The following STK36 variants were observed in gnomAD, a reference collection of about 807,000 sequenced individuals.
The protein encoded by STK36 is serine/threonine kinase 36.
A neutral mutation model predicts 142.2 loss-of-function variants in STK36; 116 were observed. That is an observed-to-expected ratio of 0.82 (90% CI 0.70 to 0.95). The LOEUF (loss-of-function observed/expected upper bound fraction) is 0.95. Ranked by LOEUF, STK36 falls within the 40% of genes least tolerant of loss-of-function variation. The probability of loss-of-function intolerance (pLI) is 0.00; values close to 1 mark genes in which losing one functional copy is unlikely to be tolerated. For synonymous variants in STK36, 619 were observed against 641.7 expected (o/e 0.96, Z 0.53); for missense variants, 1,422 against 1,617.2 (o/e 0.88, Z 2.07).
chr2:218,696,412 C>T (rs1009341490), intron 21 of STK36, 115 bp from the exon 22 acceptor site: 2 of 864,254 alleles, frequency 2.3e-6, no homozygotes, highest in Non-Finnish European at 3.9e-6. Context: ...TATATTCTAC[C>T]TTCCGGTTGA....
intron 9 of STK36, among the ~76,000 whole-genome samples, chr2:218,680,364 A>G (rs1216947670): frequency 2.6e-5 from 4 of 152,240 alleles, no homozygotes; most frequent in African/African-American, 4.8e-5. Context: ...GTTGAAAGCC[A>G]TAGGTGAAAA....
Position 218,676,226 on chromosome 2 carries a change from T to C in STK36, c.632T>C (p.Leu211Pro). Residue 211 changes from leucine (L) to proline (P), a missense_variant, in exon 6 of 27, where the codon CTC (leucine) becomes CCC (proline). Transcript: ENST00000295709. ...YATSIFQLVSLILKDPVRWPS... is the reference protein window; with the variant it reads ...YATSIFQLVSPILKDPVRWPS... ...ACAAGCATCTTTCAGCTGGTCAGCC[T>C]CATTCTCAAGGACCCTGTGCGCTGG... The C allele has an allele frequency of 6.2e-7, 1 of 1,614,228 alleles. No individual in the cohort carries two copies. Among genetic ancestry groups the C allele is most frequent in the Non-Finnish European group, 8.5e-7 (1 of 1,180,044 alleles).
At chr2:218,698,454 C>T in intron 25 of STK36, 148 bp from the exon 26 acceptor site, 2 of 943,410 alleles carry the variant, frequency 2.1e-6, no homozygotes, top group Non-Finnish European at 3.2e-6. Flanking sequence ...CACGTTGTGT[C>T]TCATGTGGAG....
intron 26 of STK36, among the ~76,000 whole-genome samples, chr2:218,700,228 T>C (rs1383329473): frequency 1.3e-5 from 2 of 151,356 alleles, no homozygotes; most frequent in Non-Finnish European, 3.0e-5. Context: ...TTTTTGAGAC[T>C]GAATATCACT....
At chr2:218,697,811 T>C in intron 24 of STK36, 43 bp from the exon 25 acceptor site, 1 of 1,613,564 alleles carries the variant, frequency 6.2e-7, no homozygotes. Context: ...ATGATAAAGG[T>C]TAAGTGAACA....
chr2:218,700,783 G>A (rs1278536598), intron 26 of STK36, among the ~76,000 whole-genome samples: 1 of 151,568 alleles, frequency 6.6e-6, no homozygotes, highest in Non-Finnish European at 1.5e-5. Flanking sequence ...AGACTGAGGT[G>A]GGCGGATCAC....
rs138174145 is a variant in STK36 at position 218,679,704 on chromosome 2, G to A, written c.923G>A (p.Arg308His). The change falls in exon 8 of 27, where the codon CGC becomes CAC. Residue 308 changes from arginine (R) to histidine (H), a missense_variant. By Grantham distance (29) the Arg-to-His change is conservative (BLOSUM62 0). Coordinates refer to ENST00000295709, the MANE Select transcript of STK36 (RefSeq NM_015690.5). ...CGCATCTTGACTCAGGCCTATAAAC[G>A]CATGGCTGAGGAGGCCATGCAGAAG... ...QSRILTQAYK[R>H]MAEEAMQKKH... The A allele has an allele frequency of 3.2e-5, 52 of 1,614,180 alleles. No homozygotes were observed. The East Asian group carries it at 6.2e-4, about 19-fold the overall frequency.
At position 218,701,998 on chromosome 2, in the gene STK36, C is replaced by T. The variant is rs2106370269; in HGVS notation, c.3937C>T (p.His1313Tyr). 4 of 1,613,896 alleles carry T rather than the reference C, an allele frequency of 2.5e-6. No homozygotes were observed. Among genetic ancestry groups the T allele is most frequent in the South Asian group, 1.1e-5 (1 of 91,040 alleles). The change falls in exon 27 of 27, where the codon CAT (histidine) becomes TAT (tyrosine). Residue 1313 changes from histidine to tyrosine, a missense_variant. His to Tyr is a moderately conservative substitution (Grantham distance 83). Coordinates refer to ENST00000295709, the MANE Select transcript of STK36 (RefSeq NM_015690.5). Reference protein sequence around the residue: ...RKLIHLLRPAHSM With the variant: ...RKLIHLLRPAYSM ...ACTCATTCACCTCCTGAGGCCAGCC[C>T]ATAGCATGTGATTCCAGATTCCTGC... is the stretch of plus-strand genomic sequence containing the variant.
intron 6 of STK36, among the ~76,000 whole-genome samples, chr2:218,677,564 C>T (rs373058313): frequency 4.6e-4 from 70 of 152,282 alleles, no homozygotes; most frequent in African/African-American, 1.5e-3. Context: ...TACTAGAGAT[C>T]GATACTGGTC....
At position 218,672,214 on chromosome 2, in the gene STK36, T is replaced by G; in HGVS notation, c.-91T>G. On this transcript the variant is annotated splice_region_variant and 5_prime_UTR_variant, in exon 1 of 27. Coordinates refer to ENST00000295709, the MANE Select transcript of STK36 (RefSeq NM_015690.5). ...TTCTCACCAGTTCTAGCGAGTAAAA[T>G]TGTAAGAAAGGGAGCCGAAAGAGAC... 1.8e-6 allele frequency: 1 copy of G among 554,372 alleles called. No individual in the cohort carries two copies. The highest frequency in any genetic ancestry group is 3.2e-6 in the Non-Finnish European group (1 of 311,172). The allele number at this position is 554,372 out of a possible 1,614,324, so 34.3% of individuals were successfully genotyped here. A position where few individuals can be genotyped will look rare whatever the true frequency, so the allele number is the denominator to read the frequency against.
intron 13 of STK36, 40 bp downstream of exon 13, chr2:218,689,996 C>A: frequency 6.5e-7 from 1 of 1,533,134 alleles, no homozygotes; most frequent in Non-Finnish European, 8.9e-7. Flanking sequence ...GCAAGTTTGG[C>A]TTCTGTTTCT....
At position 218,685,138 on chromosome 2, in the gene STK36, G is replaced by C; in HGVS notation, c.1290G>C (p.Val430=). The C allele has an allele frequency of 6.2e-7, 1 of 1,614,134 alleles. No individual in the cohort carries two copies. The highest frequency in any genetic ancestry group is 8.5e-7 in the Non-Finnish European group (1 of 1,180,038). Residue 430 remains valine (V), a synonymous_variant, in exon 11 of 27, where the codon GTG becomes GTC. Coordinates refer to ENST00000295709, the MANE Select transcript of STK36 (RefSeq NM_015690.5). ...WQHLLETTEP[V]PIQLKAPLTL... ...ACCTGCTAGAGACCACTGAGCCTGT[G>C]CCTATTCAACTGAAGGCTCCTCTCA...
chr2:218,677,242 CA>C (rs1940297190), intron 6 of STK36, among the ~76,000 whole-genome samples: 1 of 152,214 alleles, frequency 6.6e-6, no homozygotes, highest in South Asian at 2.1e-4. Context: ...CAGGGCTACA[CA>C]CTTTTAAACA....
chr2:218,693,079 A>G (rs911842627), intron 16 of STK36, among the ~76,000 whole-genome samples, 161 bp from the exon 17 acceptor site: 1 of 152,114 alleles, frequency 6.6e-6, no homozygotes, highest in Non-Finnish European at 1.5e-5. Context: ...TTGGTTCTCT[A>G]TTGGTGATGA....
chr2:218,680,820 A>T, intron 10 of STK36, 118 bp downstream of exon 10: 1 of 732,006 alleles, frequency 1.4e-6, no homozygotes, highest in Non-Finnish European at 2.2e-6. Flanking sequence ...TTGTGTTAAA[A>T]AGTATTGCTT....
intron 6 of STK36, 33 bp downstream of exon 6, chr2:218,676,311 A>G (rs1427878281): frequency 1.2e-6 from 2 of 1,610,562 alleles, no homozygotes; most frequent in African/African-American, 1.3e-5. Context: ...TGACTTTTAC[A>G]TTAGAAATCT....
chr2:218,693,282 C>A lies in STK36; in HGVS notation c.2086C>A (p.Gln696Lys). ...AAATCAGCTAACTGAAGACAGCAGC[C>A]AGCTCAGGCCATCCCTCATCTCTGG... is the stretch of plus-strand genomic sequence containing the variant. ...LANQLTEDSS[Q>K]LRPSLISGLQ... The change falls in exon 17 of 27, where the codon CAG (glutamine) becomes AAG (lysine). Residue 696 changes from glutamine to lysine, a missense_variant. Transcript: ENST00000295709. 6.2e-7 allele frequency: 1 copy of A among 1,614,220 alleles called. No homozygotes were observed. Among genetic ancestry groups the A allele is most frequent in the Non-Finnish European group, 8.5e-7 (1 of 1,180,050 alleles).
chr2:218,692,833 C>A, intron 16 of STK36, 123 bp downstream of exon 16: 1 of 1,316,886 alleles, frequency 7.6e-7, no homozygotes, highest in Non-Finnish European at 1.0e-6. Flanking sequence ...CTTCCAGAAA[C>A]AGATGCTCCC....
In STK36 at chr2:218,676,250, G is replaced by A. The variant is rs1054388246; in HGVS notation, c.656G>A (p.Trp219Ter). The change falls in exon 6 of 27, where the codon TGG becomes TAG. Residue 219 changes from tryptophan to a stop codon, truncating the protein, a stop_gained. Coordinates refer to ENST00000295709, the MANE Select transcript of STK36 (RefSeq NM_015690.5). LOFTEE classifies it high-confidence loss of function. ...CTCATTCTCAAGGACCCTGTGCGCTGGCCCTCAACCATCAGTCCCTGCTTT... is the reference window on the plus strand; with the variant it reads ...CTCATTCTCAAGGACCCTGTGCGCTAGCCCTCAACCATCAGTCCCTGCTTT... Reference protein sequence around the residue: ...VSLILKDPVRWPSTISPCFKN... With the variant: ...VSLILKDPVR The A allele has an allele frequency of 9.9e-6, 16 of 1,614,040 alleles. No individual in the cohort carries two copies. The Admixed American group carries it at 2.0e-4, about 20-fold the overall frequency.
Sources: gnomAD v4.1 joint callset for allele counts (sites outside exome capture counted in the v4.1 genomes callset) on GRCh38, gnomAD v4.1.1 for gene constraint, MANE v1.5 for transcripts, NCBI Gene and HGNC (gene_info 2026-07-23, HGNC 2026-07-21) for gene names.